The following ITGA4 variants were observed in gnomAD, a reference collection of about 807,000 sequenced individuals.
ITGA4 encodes integrin subunit alpha 4, also known as integrin alpha-4.
A neutral mutation model predicts 133.6 loss-of-function variants in ITGA4; 63 were observed. The observed-to-expected ratio is 0.47, with a 90% CI of 0.38 to 0.58. The LOEUF is 0.58. Ranked by LOEUF, ITGA4 falls within the 20% of genes least tolerant of loss-of-function variation. ITGA4 has a pLI of 0.00. For synonymous variants in ITGA4, 483 were observed against 438.0 expected (o/e 1.10, Z -1.28); for missense variants, 1,076 against 1,252.7 (o/e 0.86, Z 2.13).
intron 10 of ITGA4, among the ~76,000 whole-genome samples, chr2:181,492,346 T>C (rs1466480322): frequency 6.6e-6 from 1 of 152,244 alleles, no homozygotes; most frequent in African/African-American, 2.4e-5. Flanking sequence ...AGCATGGAGT[T>C]ATATATCAAA....
At chr2:181,481,735 C>T in intron 7 of ITGA4, 52 bp downstream of exon 7, 1 of 827,412 alleles carries the variant, frequency 1.2e-6, no homozygotes, top group Admixed American at 2.0e-5. Context: ...AAATATATTG[C>T]ATGAATAAGA....
In ITGA4 at chr2:181,537,659, TTATTTCAGAATTATCTAGGTTAAA is replaced by T. The variant is rs1464016879; in HGVS notation, c.*2137_*2160del. ...ATCCTGAAAAATGAAAGAATCCAAA[TTATTTCAGAATTATCTAGGTTAAA>T]TATTGATGTATTATGATGGTTGCAA... On this transcript the variant is annotated 3_prime_UTR_variant, in exon 28 of 28. Coordinates refer to ENST00000397033, the MANE Select transcript of ITGA4 (RefSeq NM_000885.6). The T allele has an allele frequency of 2.3e-6, 1 of 435,174 alleles. No homozygotes were observed. The highest frequency in any genetic ancestry group is 2.0e-5 in the African/African-American group (1 of 48,816). 27.0% of individuals were successfully genotyped at this position (435,174 alleles called of 1,614,324 possible).
At chr2:181,474,907 C>G in intron 2 of ITGA4, 53 bp from the exon 3 acceptor site, 1 of 1,409,128 alleles carries the variant, frequency 7.1e-7, no homozygotes, top group South Asian at 1.2e-5. Context: ...GTTTTCTCTT[C>G]TTTTGTAGAA....
At chr2:181,530,017 CTTT>C (rs900621022) in intron 23 of ITGA4, among the ~76,000 whole-genome samples, 1 of 152,090 alleles carries the variant, frequency 6.6e-6, no homozygotes. Flanking sequence ...GGATTATAGC[CTTT>C]TTTTAAGGAA....
At chr2:181,467,694 A>ATTCC (rs1685452943) in intron 2 of ITGA4, among the ~76,000 whole-genome samples, 2 of 152,196 alleles carry the variant, frequency 1.3e-5, no homozygotes, top group Admixed American at 6.5e-5. Flanking sequence ...TTCAGCTAAA[A>ATTCC]GCTTCAGAAA....
At chr2:181,526,334 A>G (rs376420313) in intron 21 of ITGA4, among the ~76,000 whole-genome samples, 1 of 152,266 alleles carries the variant, frequency 6.6e-6, no homozygotes, top group African/African-American at 2.4e-5. Context: ...AACTGCCTAA[A>G]TCTATGCTGG....
At chr2:181,533,960 T>C (rs1686998379) in intron 25 of ITGA4, among the ~76,000 whole-genome samples, 2 of 152,172 alleles carry the variant, frequency 1.3e-5, no homozygotes, top group African/African-American at 4.8e-5. Context: ...CCAAATAAGA[T>C]AGATTCAATA....
intron 2 of ITGA4, among the ~76,000 whole-genome samples, chr2:181,469,630 G>T (rs538050720): frequency 6.6e-6 from 1 of 152,034 alleles, no homozygotes; most frequent in Non-Finnish European, 1.5e-5. Flanking sequence ...TGTTTATTGC[G>T]GCACTATTCT....
At chr2:181,493,304 A>C in intron 10 of ITGA4, 21 bp from the exon 11 acceptor site, 1 of 1,523,592 alleles carries the variant, frequency 6.6e-7, no homozygotes, top group East Asian at 2.3e-5. Flanking sequence ...TTATTTTTCC[A>C]TTGTTTAAAT....
intron 2 of ITGA4, among the ~76,000 whole-genome samples, chr2:181,461,888 A>C (rs1685289443): frequency 6.6e-6 from 1 of 152,226 alleles, no homozygotes; most frequent in Non-Finnish European, 1.5e-5. Flanking sequence ...TGTAAATTAC[A>C]TACTGGCTTT....
In ITGA4 at chr2:181,481,609, G is replaced by A. The variant is rs202002939; in HGVS notation, c.766G>A (p.Gly256Arg). 3 of 1,591,608 alleles carry A rather than the reference G, an allele frequency of 1.9e-6. No homozygotes were observed. Among genetic ancestry groups the A allele is most frequent in the Non-Finnish European group, 2.6e-6 (3 of 1,162,704 alleles). ...KFGSYLGYSVGAGHFRSQHTT... is the reference protein window; with the variant it reads ...KFGSYLGYSVRAGHFRSQHTT... ...CCCTTTTCTTAAAGGATATTCAGTC[G>A]GAGCTGGTCATTTTCGGAGCCAGCA... The change falls in exon 7 of 28, where the codon GGA becomes AGA. Residue 256 changes from glycine (G) to arginine (R), a missense_variant. Gly to Arg is a moderately radical substitution (Grantham distance 125, BLOSUM62 -2). This residue lies in a region of ITGA4 where 436 missense variants were observed against 590.7 expected (regional missense o/e 0.74). Transcript: ENST00000397033.
At chr2:181,487,513 T>C (rs1353986077) in intron 10 of ITGA4, among the ~76,000 whole-genome samples, 3 of 152,190 alleles carry the variant, frequency 2.0e-5, no homozygotes, top group Non-Finnish European at 4.4e-5. Context: ...TCCAGTGTCA[T>C]AGAAAAGCAA....
At position 181,538,037 on chromosome 2, in the gene ITGA4, C is replaced by A; in HGVS notation, c.*2510C>A. The A allele has an allele frequency of 1.4e-6, 1 of 697,340 alleles. No individual in the cohort carries two copies. Among genetic ancestry groups the A allele is most frequent in the Non-Finnish European group, 2.7e-6 (1 of 372,912 alleles). The allele number at this position is 697,340 out of a possible 1,614,324, so 43.2% of individuals were successfully genotyped here. A position where few individuals can be genotyped will look rare whatever the true frequency, so the allele number is the denominator to read the frequency against. ...CCTGATGATCTGAGGTGGAACAGTT[C>A]ATCCTGAAACCATTCCCCCATCCAC... On this transcript the variant is annotated 3_prime_UTR_variant, in exon 28 of 28. Transcript: ENST00000397033.
At chr2:181,502,909 G>A (rs1336052848) in intron 15 of ITGA4, among the ~76,000 whole-genome samples, 1 of 152,026 alleles carries the variant, frequency 6.6e-6, no homozygotes, top group East Asian at 1.9e-4. Context: ...CAAGCAAGGA[G>A]CATGCAGCGG....
intron 24 of ITGA4, among the ~76,000 whole-genome samples, chr2:181,530,867 G>A (rs1042212508): frequency 6.6e-6 from 1 of 152,086 alleles, no homozygotes; most frequent in South Asian, 2.1e-4. Context: ...GATGGCTCAC[G>A]CCTGTAATCC....
chr2:181,496,402 G>A (rs1407730033), intron 14 of ITGA4, among the ~76,000 whole-genome samples: 3 of 151,952 alleles, frequency 2.0e-5, no homozygotes, highest in African/African-American at 7.3e-5. Context: ...TCCAGCCCGG[G>A]CAATGGAATG....
intron 2 of ITGA4, among the ~76,000 whole-genome samples, chr2:181,465,316 A>G (rs1343017479): frequency 1.3e-5 from 2 of 152,082 alleles, no homozygotes; most frequent in African/African-American, 2.4e-5. Flanking sequence ...CTGATCCTCT[A>G]TTGGCCAGGA....
intron 10 of ITGA4, among the ~76,000 whole-genome samples, chr2:181,486,809 T>G (rs1685930536): frequency 6.6e-6 from 1 of 152,164 alleles, no homozygotes; most frequent in South Asian, 2.1e-4. Context: ...AGCACATAAG[T>G]ATTTGATACT....
chr2:181,493,460 A>G, intron 11 of ITGA4, 41 bp downstream of exon 11: 1 of 1,223,440 alleles, frequency 8.2e-7, no homozygotes, highest in South Asian at 1.3e-5. Flanking sequence ...ATTGGTTATA[A>G]TGCATATCCT....
Sources: allele counts gnomAD v4.1 joint callset (sites outside exome capture counted in the v4.1 genomes callset), GRCh38; gene constraint gnomAD v4.1.1; regional missense constraint gnomAD v4.1.1; transcripts MANE v1.5; gene names NCBI Gene and HGNC (gene_info 2026-07-23, HGNC 2026-07-21).